The following EML6 variants were observed in gnomAD, a reference collection of about 807,000 sequenced individuals.
EML6 encodes EMAP like 6, also known as echinoderm microtubule-associated protein-like 6.
Under a neutral mutation model 240.1 loss-of-function variants are expected in EML6, and 154 were observed. That is an observed-to-expected ratio of 0.64 (90% CI 0.56 to 0.73). The LOEUF (loss-of-function observed/expected upper bound fraction) is 0.73. Among genes scored for constraint, EML6 ranks in the 30% least tolerant of loss-of-function variants. The pLI, the probability that EML6 is intolerant of heterozygous loss-of-function variation, is 0.00. For missense variants in EML6, 2,964 were observed against 2,474.6 expected (o/e 1.20, Z -4.20); for synonymous variants, 1,148 against 899.0 (o/e 1.28, Z -4.95).
chr2:54,918,916 A>C (rs1268395346), intron 26 of EML6, among the ~76,000 whole-genome samples: 2 of 151,700 alleles, frequency 1.3e-5, no homozygotes, highest in Non-Finnish European at 2.9e-5. Context: ...TGCTTATCGA[A>C]CTCCTGTGTA....
chr2:54,959,693 C>G (rs186548040), intron 34 of EML6, among the ~76,000 whole-genome samples: 3 of 152,170 alleles, frequency 2.0e-5, no homozygotes, highest in Admixed American at 6.5e-5. Context: ...ACCCAGGAAG[C>G]GGAGGTTGCA....
chr2:54,849,488 C>T (rs1276172758), intron 9 of EML6, among the ~76,000 whole-genome samples: 3 of 152,132 alleles, frequency 2.0e-5, no homozygotes, highest in Non-Finnish European at 4.4e-5. Context: ...TGTTATTCTC[C>T]TAAAATGCCA....
intron 2 of EML6, among the ~76,000 whole-genome samples, chr2:54,801,277 T>C (rs1299769347): frequency 2.0e-5 from 3 of 149,548 alleles, no homozygotes; most frequent in Non-Finnish European, 4.4e-5. Context: ...ATCTCACCAC[T>C]GCATTCCAGC....
intron 24 of EML6, among the ~76,000 whole-genome samples, chr2:54,908,909 G>A (rs551431024): frequency 2.3e-4 from 35 of 152,310 alleles, no homozygotes; most frequent in African/African-American, 7.5e-4. Flanking sequence ...TCTCGGGGAA[G>A]GGGCATGTGC....
intron 2 of EML6, among the ~76,000 whole-genome samples, chr2:54,789,295 C>G (rs571565105): frequency 6.6e-6 from 1 of 151,844 alleles, no homozygotes; most frequent in African/African-American, 2.4e-5. Flanking sequence ...GGGCGGATCA[C>G]GAGGTCAGGA....
At chr2:54,853,218 T>A (rs1160137767) in intron 10 of EML6, among the ~76,000 whole-genome samples, 1 of 152,308 alleles carries the variant, frequency 6.6e-6, no homozygotes, top group Non-Finnish European at 1.5e-5. Flanking sequence ...TGATGATACA[T>A]GATAAAAGTC....
chr2:54,803,793 T>C (rs1230377103), intron 2 of EML6, among the ~76,000 whole-genome samples: 3 of 152,170 alleles, frequency 2.0e-5, no homozygotes, highest in African/African-American at 7.2e-5. Context: ...TTTGAAACAA[T>C]TGAAATTCTC....
At chr2:54,819,909 C>G (rs1173576723) in intron 4 of EML6, among the ~76,000 whole-genome samples, 5 of 151,912 alleles carry the variant, frequency 3.3e-5, no homozygotes, top group Non-Finnish European at 5.9e-5. Flanking sequence ...CAGATAAATC[C>G]CTCTGCCTTA....
chr2:54,820,762 C>T (rs771870940), intron 5 of EML6, among the ~76,000 whole-genome samples: 5 of 152,096 alleles, frequency 3.3e-5, no homozygotes, highest in Non-Finnish European at 1.5e-5. Flanking sequence ...TGTTTTAAAA[C>T]AGTGCTTATT....
chr2:54,835,325 C>A (rs557263904), intron 7 of EML6, among the ~76,000 whole-genome samples: 1 of 152,188 alleles, frequency 6.6e-6, no homozygotes, highest in Admixed American at 6.5e-5. Flanking sequence ...CCACTTAGGA[C>A]GTGCCTAGTG....
intron 2 of EML6, among the ~76,000 whole-genome samples, chr2:54,740,190 A>G (rs768634112): frequency 6.6e-5 from 10 of 152,130 alleles, no homozygotes; most frequent in Non-Finnish European, 1.3e-4. Flanking sequence ...GTTTCAGTGT[A>G]TGTGTAGGAG....
chr2:54,878,705 A>C (rs957758268), intron 16 of EML6, among the ~76,000 whole-genome samples: 3 of 152,196 alleles, frequency 2.0e-5, no homozygotes, highest in African/African-American at 7.2e-5. Flanking sequence ...ACTAGACAAT[A>C]AGCAGTTATA....
chr2:54,843,380 A>G (rs1423786374), intron 7 of EML6, among the ~76,000 whole-genome samples: 2 of 152,050 alleles, frequency 1.3e-5, no homozygotes, highest in East Asian at 3.9e-4. Context: ...AGTGAGCTAC[A>G]GTGCTACCAC....
At chr2:54,864,224 G>C (rs1332673795) in intron 13 of EML6, among the ~76,000 whole-genome samples, 1 of 152,158 alleles carries the variant, frequency 6.6e-6, no homozygotes, top group Non-Finnish European at 1.5e-5. Flanking sequence ...TTTCTTAGCA[G>C]ATTATGAAAG....
At chr2:54,920,436 C>T (rs959416352) in intron 26 of EML6, among the ~76,000 whole-genome samples, 2 of 151,886 alleles carry the variant, frequency 1.3e-5, no homozygotes, top group African/African-American at 4.8e-5. Flanking sequence ...TCTGGAAATA[C>T]ACAGCCTACC....
intron 6 of EML6, among the ~76,000 whole-genome samples, chr2:54,827,985 A>G (rs1668677776): frequency 1.3e-5 from 2 of 152,252 alleles, no homozygotes; most frequent in South Asian, 4.1e-4. Flanking sequence ...TGTCATCCAC[A>G]GTAGTTTGAC....
intron 5 of EML6, among the ~76,000 whole-genome samples, chr2:54,821,126 A>G (rs186887933): frequency 3.9e-5 from 6 of 152,330 alleles, no homozygotes; most frequent in Non-Finnish European, 5.9e-5. Context: ...TGTAAGTTAA[A>G]GTCCATAAAC....
At chr2:54,879,456 T>C (rs1468195786) in intron 16 of EML6, 91 bp from the exon 17 acceptor site, 1 of 814,122 alleles carries the variant, frequency 1.2e-6, no homozygotes, top group Non-Finnish European at 2.0e-6. Context: ...TTATCAGTTC[T>C]TAAGATCAGT....
chr2:54,953,955 C>A, intron 31 of EML6, 28 bp from the exon 32 acceptor site: 4 of 1,522,874 alleles, frequency 2.6e-6, no homozygotes, highest in South Asian at 2.4e-5. Context: ...GTCAGCCTTA[C>A]TTCTTTGTCA....
Sources: gnomAD v4.1 joint callset for allele counts (sites outside exome capture counted in the v4.1 genomes callset) on GRCh38, gnomAD v4.1.1 for gene constraint, MANE v1.5 for transcripts, NCBI Gene and HGNC (gene_info 2026-07-23, HGNC 2026-07-21) for gene names.